HOXA7: variants seen among roughly 807,000 people sequenced by gnomAD.
HOXA7 encodes homeobox A7, also known as homeobox protein Hox-A7.
In HOXA7, 16 loss-of-function variants were observed where a neutral mutation model predicts 16.8. The observed-to-expected ratio is 0.95, with a 90% CI of 0.64 to 1.44. The LOEUF is 1.44. Ranked by LOEUF, HOXA7 falls within the 40% of genes most tolerant of loss-of-function variation. The probability of loss-of-function intolerance (pLI) is 0.00; values close to 1 mark genes in which losing one functional copy is unlikely to be tolerated. For missense variants in HOXA7, 379 were observed against 328.6 expected (o/e 1.15, Z -1.19); for synonymous variants, 169 against 144.3 (o/e 1.17, Z -1.23).
At position 27,154,706 on chromosome 7, in the gene HOXA7, G is replaced by C; in HGVS notation, c.*203C>G. ...GAATCCAAGGCGACCCAGTCTCTGC[G>C]GCCGCTCAGTCCACAAAAGTTGGGA... is the stretch of plus-strand genomic sequence containing the variant. On this transcript the variant is annotated 3_prime_UTR_variant, in exon 2 of 2. Coordinates refer to ENST00000242159, the MANE Select transcript of HOXA7 (RefSeq NM_006896.4). 1.4e-6 allele frequency: 1 copy of C among 720,212 alleles called. No homozygotes were observed. Among genetic ancestry groups the C allele is most frequent in the South Asian group, 2.1e-5 (1 of 47,552 alleles). The allele number at this position is 720,212 out of a possible 1,614,324, so 44.6% of individuals were successfully genotyped here. A position where few individuals can be genotyped will look rare whatever the true frequency, so the allele number is the denominator to read the frequency against.
In HOXA7 at chr7:27,154,676, A is replaced by T; in HGVS notation, c.*233T>A. ...GGTGTCTTTTGGGGTCCTCGGAGGC[A>T]GAGGGAATCCAAGGCGACCCAGTCT... On this transcript the variant is annotated 3_prime_UTR_variant, in exon 2 of 2. Coordinates refer to ENST00000242159, the MANE Select transcript of HOXA7 (RefSeq NM_006896.4). 1 of 605,956 alleles carries T rather than the reference A, an allele frequency of 1.7e-6. No individual in the cohort carries two copies. 37.5% of individuals were successfully genotyped at this position (605,956 alleles called of 1,614,324 possible).
Position 27,156,656 on chromosome 7 carries a change from T to C in HOXA7, c.-111A>G, listed in dbSNP as rs1386370019. On this transcript the variant is annotated 5_prime_UTR_variant, in exon 1 of 2. Coordinates refer to ENST00000242159, the MANE Select transcript of HOXA7 (RefSeq NM_006896.4). The stretch of plus-strand genomic sequence containing the variant: ...ATTTACACCAAACCCCATTTTCTTT[T>C]GGACGGAGCTCGCCGCAGCACGTGA... 1 of 1,228,530 alleles carries C rather than the reference T, an allele frequency of 8.1e-7. No homozygotes were observed. The highest frequency in any genetic ancestry group is 2.4e-5 in the East Asian group (1 of 41,942). The allele number at this position is 1,228,530 out of a possible 1,614,324, so 76.1% of individuals were successfully genotyped here.
chr7:27,155,947 T>A (rs1380682373), intron 1 of HOXA7: 1 of 438,628 alleles, frequency 2.3e-6, no homozygotes, highest in African/African-American at 2.0e-5. Context: ...TAAAAAGTTT[T>A]ATGAGCCTCA....
At chr7:27,156,674 GCACGTGACCGCC>G (rs1783115556) in exon 1 of HOXA7, 5 of 981,904 alleles carry the variant, frequency 5.1e-6, no homozygotes, top group African/African-American at 1.6e-5. Flanking sequence ...GCTCGCCGCA[GCACGTGACCGCC>G]CACATGACCG....
rs754637278 is a variant in HOXA7, at chr7:27,156,235, G to A, written c.311C>T (p.Thr104Met). Residue 104 changes from threonine (T) to methionine (M), a missense_variant, in exon 1 of 2, where the codon ACG becomes ATG. By Grantham distance (81) the Thr-to-Met change is moderately conservative. Transcript: ENST00000242159. ...CGCGCCATGCAGCGCGCCCTCGTCC[G>A]TCTTGTCGCAGGCGCCTTTGGCGAG... is the stretch of plus-strand genomic sequence containing the variant. ...SDLAKGACDK[T>M]DEGALHGAAE... 1.2e-6 allele frequency: 2 copies of A among 1,607,106 alleles called. No homozygotes were observed. The highest frequency in any genetic ancestry group is 8.5e-7 in the Non-Finnish European group (1 of 1,176,774).
In HOXA7 at chr7:27,155,136, T is replaced by C. The variant is rs766627218; in HGVS notation, c.466A>G (p.Thr156Ala). Residue 156 changes from threonine to alanine, a missense_variant, in exon 2 of 2, where the codon ACG (threonine) becomes GCG (alanine). Thr to Ala is a moderately conservative substitution (Grantham distance 58, BLOSUM62 0). Coordinates refer to ENST00000242159, the MANE Select transcript of HOXA7 (RefSeq NM_006896.4). ...EKEFHFNRYLTRRRRIEIAHA... is the reference protein window; with the variant it reads ...EKEFHFNRYLARRRRIEIAHA... ...GCGATTTCAATGCGGCGGCGCCGCG[T>C]CAGGTAGCGGTTGAAGTGGAACTCC... 2 of 1,614,242 alleles carry C rather than the reference T, an allele frequency of 1.2e-6. No homozygotes were observed. The highest frequency in any genetic ancestry group is 1.7e-6 in the Non-Finnish European group (2 of 1,180,042).
chr7:27,156,071 TC>T, intron 1 of HOXA7, 95 bp downstream of exon 1: 1 of 1,352,120 alleles, frequency 7.4e-7, no homozygotes, highest in Non-Finnish European at 9.5e-7. Context: ...GCTCCGCTCT[TC>T]CGGCCCCGCG....
rs1783112181 is a variant in HOXA7 at position 27,156,487 on chromosome 7, A to G, written c.59T>C (p.Leu20Pro). The change falls in exon 1 of 2, where the codon CTG (leucine) becomes CCG (proline). Residue 20 changes from leucine (L) to proline (P), a missense_variant. By Grantham distance (98) the Leu-to-Pro change is moderately conservative (BLOSUM62 -3). Coordinates refer to ENST00000242159, the MANE Select transcript of HOXA7 (RefSeq NM_006896.4). Reference sequence around the variant, plus strand: ...AGAAGTCGGCTCGGCATTTTGGAACAGAGAAGCCCCCGCCGTATATTTGCT... The same window carrying G: ...AGAAGTCGGCTCGGCATTTTGGAACGGAGAAGCCCCCGCCGTATATTTGCT... ...LFSKYTAGAS[L>P]FQNAEPTSCS... 1 of 1,602,618 alleles carries G rather than the reference A, an allele frequency of 6.2e-7. No homozygotes were observed. Among genetic ancestry groups the G allele is most frequent in the Non-Finnish European group, 8.5e-7 (1 of 1,171,928 alleles).
intron 1 of HOXA7, chr7:27,155,898 T>A (rs988503656): frequency 2.4e-5 from 9 of 372,460 alleles, no homozygotes; most frequent in Non-Finnish European, 4.3e-5. Context: ...CAAATGGAGT[T>A]AAATAAATTT....
At position 27,155,221 on chromosome 7, in the gene HOXA7, T is replaced by C. The variant is rs1583420727; in HGVS notation, c.381A>G (p.Gly127=). 7.4e-6 allele frequency: 12 copies of C among 1,613,108 alleles called. No homozygotes were observed. The highest frequency in any genetic ancestry group is 1.0e-5 in the Non-Finnish European group (12 of 1,179,656). ...TCTGGCGGCCCCGCTTCCTGTCAGG[T>C]CCTGAGAACAGACATGCAGACACAT... is the stretch of plus-strand genomic sequence containing the variant. ...FRIYPWMRSS[G]PDRKRGRQTY... is the part of the protein sequence containing the mutation. Residue 127 remains glycine (G), a splice_region_variant and synonymous_variant, in exon 2 of 2, where the codon GGA becomes GGG. Coordinates refer to ENST00000242159, the MANE Select transcript of HOXA7 (RefSeq NM_006896.4).
chr7:27,156,101 C>T, intron 1 of HOXA7, 66 bp downstream of exon 1: 1 of 1,407,266 alleles, frequency 7.1e-7, no homozygotes, highest in Non-Finnish European at 9.2e-7. Flanking sequence ...TCCGCGCTCC[C>T]CAGCGCTGCG....
rs1562737507 is a variant in HOXA7, at chr7:27,155,203, G to T, written c.399C>A (p.Gly133=). Residue 133 remains glycine, a synonymous_variant, in exon 2 of 2, where the codon GGC becomes GGA. Transcript: ENST00000242159. ...MRSSGPDRKR[G]RQTYTRYQTL... ...TCTGGTAGCGCGTGTAGGTCTGGCG[G>T]CCCCGCTTCCTGTCAGGTCCTGAGA... 1 of 1,614,192 alleles carries T rather than the reference G, an allele frequency of 6.2e-7. No individual in the cohort carries two copies. The highest frequency in any genetic ancestry group is 2.2e-5 in the East Asian group (1 of 44,868).
chr7:27,154,873 G>A lies in HOXA7; in HGVS notation c.*36C>T. The A allele has an allele frequency of 6.4e-7, 1 of 1,557,216 alleles. No individual in the cohort carries two copies. The highest frequency in any genetic ancestry group is 8.7e-7 in the Non-Finnish European group (1 of 1,152,472). ...GTGAGTCTCTTAAAGACGCTTTTCC[G>A]ACTGTCCGGTGCAGAGAGGGCCCCG... is the stretch of plus-strand genomic sequence containing the variant. On this transcript the variant is annotated 3_prime_UTR_variant, in exon 2 of 2. Coordinates refer to ENST00000242159, the MANE Select transcript of HOXA7 (RefSeq NM_006896.4).
chr7:27,155,149 G>C lies in HOXA7; in HGVS notation c.453C>G (p.Phe151Leu). The C allele has an allele frequency of 6.2e-7, 1 of 1,614,278 alleles. No homozygotes were observed. Among genetic ancestry groups the C allele is most frequent in the Non-Finnish European group, 8.5e-7 (1 of 1,180,056 alleles). Residue 151 changes from phenylalanine (F) to leucine (L), a missense_variant, in exon 2 of 2, where the codon TTC becomes TTG. By Grantham distance (22) the Phe-to-Leu change is conservative. Transcript: ENST00000242159. ...GGCGGCGCCGCGTCAGGTAGCGGTT[G>C]AAGTGGAACTCCTTCTCCAGCTCCA... The part of the protein sequence containing the change: ...QTLELEKEFH[F>L]NRYLTRRRRI...
Position 27,156,645 on chromosome 7 carries a change from C to T in HOXA7, c.-100G>A. ...TACACCCCCAGATTTACACCAAACCCCATTTTCTTTTGGACGGAGCTCGCC... is the reference window on the plus strand; with the variant it reads ...TACACCCCCAGATTTACACCAAACCTCATTTTCTTTTGGACGGAGCTCGCC... On this transcript the variant is annotated 5_prime_UTR_variant, in exon 1 of 2. Coordinates refer to ENST00000242159, the MANE Select transcript of HOXA7 (RefSeq NM_006896.4). The T allele has an allele frequency of 7.5e-7, 1 of 1,340,414 alleles. No homozygotes were observed. The highest frequency in any genetic ancestry group is 1.4e-5 in the South Asian group (1 of 69,748). The allele number at this position is 1,340,414 out of a possible 1,614,324, so 83.0% of individuals were successfully genotyped here.
chr7:27,154,076 A>G lies in HOXA7; in HGVS notation c.*833T>C, dbSNP rs1783052907. On this transcript the variant is annotated 3_prime_UTR_variant, in exon 2 of 2. Transcript: ENST00000242159. ...AGCTGAACAGTAAGATACAGGAGCC[A>G]GAGGAAAGGACAGCGAAGCTGGAAG... 1 of 152,350 alleles carries G rather than the reference A, an allele frequency of 6.6e-6. No individual in the cohort carries two copies. 9.4% of individuals were successfully genotyped at this position (152,350 alleles called of 1,614,324 possible).
In HOXA7 at chr7:27,156,506, A is replaced by ATT; in HGVS notation, c.38_39dup (p.Tyr14AsnfsTer143). On this transcript the variant is annotated frameshift_variant, in exon 1 of 2. Transcript: ENST00000242159. LOFTEE classifies it high-confidence loss of function. The stretch of plus-strand genomic sequence containing the variant: ...TGGAACAGAGAAGCCCCCGCCGTAT[A>ATT]TTTGCTAAAAAGCGCGTTCACATAA... 6.3e-7 allele frequency: 1 copy of ATT among 1,587,250 alleles called. No individual in the cohort carries two copies. Among genetic ancestry groups the ATT allele is most frequent in the Non-Finnish European group, 8.6e-7 (1 of 1,164,242 alleles).
chr7:27,155,843 AAGAG>A (rs1343422068), intron 1 of HOXA7: 12 of 254,596 alleles, frequency 4.7e-5, no homozygotes, highest in Non-Finnish European at 4.4e-5. Context: ...AGGAGGGAGA[AAGAG>A]AGACAGAATA....
At chr7:27,155,991 C>A (rs1056458407) in intron 1 of HOXA7, 176 bp downstream of exon 1, 8 of 699,664 alleles carry the variant, frequency 1.1e-5, no homozygotes, top group African/African-American at 9.4e-5. Context: ...CACGCAATGG[C>A]GCCTCCGCTC....
Sources: allele counts gnomAD v4.1 joint callset, GRCh38; gene constraint gnomAD v4.1.1; transcripts MANE v1.5; gene names NCBI Gene and HGNC (gene_info 2026-07-23, HGNC 2026-07-21).